CLEC16A: variants seen among roughly 807,000 people sequenced by gnomAD.
The protein encoded by CLEC16A is C-type lectin domain containing 16A.
CLEC16A carries 51 observed loss-of-function variants against 109.5 expected under a neutral mutation model. That is an observed-to-expected ratio of 0.47 (90% CI 0.37 to 0.59). The LOEUF is 0.59. CLEC16A is among the 20% of genes least tolerant of loss of function. The pLI, the probability that CLEC16A is intolerant of heterozygous loss-of-function variation, is 0.00. For synonymous variants in CLEC16A, 673 were observed against 564.2 expected (o/e 1.19, Z -2.73); for missense variants, 1,339 against 1,394.0 (o/e 0.96, Z 0.63).
At chr16:11,038,953 G>T (rs1484180370) in intron 13 of CLEC16A, among the ~76,000 whole-genome samples, 1 of 152,092 alleles carries the variant, frequency 6.6e-6, no homozygotes, top group East Asian at 1.9e-4. Context: ...GTTGAGGGTG[G>T]GGCTCAGCTT....
chr16:11,039,081 G>A (rs1239220901), intron 13 of CLEC16A, among the ~76,000 whole-genome samples: 1 of 152,074 alleles, frequency 6.6e-6, no homozygotes, highest in Non-Finnish European at 1.5e-5. Flanking sequence ...TGCGTAATAC[G>A]GGAGTGGCCT....
Position 11,060,825 on chromosome 16 carries a change from C to T in CLEC16A, c.1996-77C>T, listed in dbSNP as rs528992531. 23 of 1,380,110 alleles carry T rather than the reference C, an allele frequency of 1.7e-5. No individual in the cohort carries two copies. In the East Asian group the frequency reaches 5.9e-4, roughly 35 times the overall value. The allele number at this position is 1,380,110 out of a possible 1,614,324, so 85.5% of individuals were successfully genotyped here. A position where few individuals can be genotyped will look rare whatever the true frequency, so the allele number is the denominator to read the frequency against. On this transcript the variant is annotated intron_variant, in intron 18 of 23. Coordinates refer to ENST00000409790, the MANE Select transcript of CLEC16A (RefSeq NM_015226.3). ...CTTTTTTAATAGAGAGTCATGGTGT[C>T]ATTTCTGGGTGTGGGGCATCTCACT...
At chr16:11,127,812 G>A (rs1365084145) in intron 22 of CLEC16A, among the ~76,000 whole-genome samples, 1 of 152,210 alleles carries the variant, frequency 6.6e-6, no homozygotes, top group Non-Finnish European at 1.5e-5. Context: ...TGACGCTGCA[G>A]TGAGCTATGA....
chr16:11,028,057 G>A (rs1397215190), intron 13 of CLEC16A, among the ~76,000 whole-genome samples: 3 of 152,280 alleles, frequency 2.0e-5, no homozygotes, highest in African/African-American at 7.2e-5. Flanking sequence ...AAAATTAGCC[G>A]GGCATGGTGG....
chr16:11,150,752 T>C (rs2054261990), intron 22 of CLEC16A, among the ~76,000 whole-genome samples: 2 of 152,180 alleles, frequency 1.3e-5, no homozygotes, highest in Non-Finnish European at 2.9e-5. Flanking sequence ...CTCACAGGTC[T>C]GGAGGGTAGA....
rs1434213380 is a variant in CLEC16A, at chr16:11,036,567, G to A, written c.1538-3187G>A. Among the ~76,000 whole-genome samples the A allele has an allele frequency of 1.1e-4, 6 of 56,600 alleles. No homozygotes were observed. The South Asian group carries it at 3.3e-3, about 31-fold the overall frequency. The allele number at this position is 56,600 out of a possible 152,430, so 37.1% of individuals were successfully genotyped here. ...TCCTTTTTTTTTTTTTTTTTTTTTT[G>A]AGACAAGAGTCTCGCTCTGTCACCC... is the stretch of plus-strand genomic sequence containing the variant. On this transcript the variant is annotated intron_variant, in intron 13 of 23. Transcript: ENST00000409790.
At chr16:11,029,504 A>T (rs771840478) in intron 13 of CLEC16A, among the ~76,000 whole-genome samples, 1 of 146,796 alleles carries the variant, frequency 6.8e-6, no homozygotes, top group Non-Finnish European at 1.6e-5. Context: ...TGGGTTTTCT[A>T]TCCCTTTGCT....
chr16:11,150,835 C>T (rs544401812), intron 22 of CLEC16A, among the ~76,000 whole-genome samples: 1 of 152,164 alleles, frequency 6.6e-6, no homozygotes, highest in African/African-American at 2.4e-5. Context: ...CCAGGCCTCC[C>T]TCCTTGGCTT....
At chr16:11,007,085 C>G (rs1469643815) in intron 11 of CLEC16A, among the ~76,000 whole-genome samples, 2 of 152,134 alleles carry the variant, frequency 1.3e-5, no homozygotes, top group Non-Finnish European at 2.9e-5. Flanking sequence ...AGAGCAGTAA[C>G]TTAATAAGCA....
intron 19 of CLEC16A, among the ~76,000 whole-genome samples, chr16:11,094,632 T>C (rs2050500073): frequency 6.6e-6 from 1 of 152,274 alleles, no homozygotes; most frequent in Admixed American, 6.5e-5. Flanking sequence ...ATCTGAGTTC[T>C]TTAGAAAAAT....
rs1051175206 is a variant in CLEC16A at position 11,061,104 on chromosome 16, G to A, written c.2116+82G>A. ...CCACTCTGCTGATTCACACGCCACT[G>A]GGAGGGTCAGTGTGCAACCTACATT... is the stretch of plus-strand genomic sequence containing the variant. On this transcript the variant is annotated intron_variant, in intron 19 of 23. Coordinates refer to ENST00000409790, the MANE Select transcript of CLEC16A (RefSeq NM_015226.3). 3.5e-6 allele frequency: 5 copies of A among 1,428,602 alleles called. 1 individual carries two copies. The highest frequency in any genetic ancestry group is 1.9e-6 in the Non-Finnish European group (2 of 1,077,872). 88.5% of individuals were successfully genotyped at this position (1,428,602 alleles called of 1,614,324 possible).
intron 14 of CLEC16A, chr16:11,040,123 A>C: frequency 8.8e-6 from 4 of 455,224 alleles, no homozygotes; most frequent in South Asian, 4.3e-5. Context: ...TTCTTCTTCC[A>C]CACCCCGCCC....
intron 22 of CLEC16A, among the ~76,000 whole-genome samples, chr16:11,139,829 C>T (rs1266279971): frequency 6.6e-6 from 1 of 152,226 alleles, no homozygotes; most frequent in South Asian, 2.1e-4. Context: ...ATGTGGTCTA[C>T]TTCTAGCCTT....
In CLEC16A at chr16:11,024,884, C is replaced by A; in HGVS notation, c.1500C>A (p.Phe500Leu). The A allele has an allele frequency of 6.2e-7, 1 of 1,609,826 alleles. No homozygotes were observed. Among genetic ancestry groups the A allele is most frequent in the South Asian group, 1.1e-5 (1 of 89,830 alleles). Residue 500 changes from phenylalanine to leucine, a missense_variant, in exon 13 of 24, where the codon TTC becomes TTA. This residue lies in a region of CLEC16A where 1,061 missense variants were observed against 1,006.8 expected (regional missense o/e 1.05). Coordinates refer to ENST00000409790, the MANE Select transcript of CLEC16A (RefSeq NM_015226.3). ...DSPDDDYHAL[F>L]VLCLLYAMSH... ...CGGATGATGATTACCATGCCCTGTT[C>A]GTGCTCTGCCTCCTCTATGCCATGT...
chr16:11,099,955 T>G (rs77316098), intron 19 of CLEC16A, among the ~76,000 whole-genome samples: 1,558 of 152,168 alleles, frequency 0.01, 16 homozygotes, highest in Non-Finnish European at 0.014. Context: ...CTTACCTATC[T>G]AGCCAGAGTT....
chr16:11,028,905 G>C (rs1471334032), intron 13 of CLEC16A, among the ~76,000 whole-genome samples: 1 of 152,160 alleles, frequency 6.6e-6, no homozygotes, highest in Non-Finnish European at 1.5e-5. Context: ...ATTTTACACA[G>C]TTTCCCTTTT....
rs138986271 is a variant in CLEC16A, at chr16:11,033,017, C to T, written c.1538-6737C>T. ...GGGGATGAGTTGCAGGAGGGAACAC[C>T]GAGAGACTTGCTAAGAAGCTGTTGC... On this transcript the variant is annotated intron_variant, in intron 13 of 23. Coordinates refer to ENST00000409790, the MANE Select transcript of CLEC16A (RefSeq NM_015226.3). Among the ~76,000 whole-genome samples the T allele has an allele frequency of 4.6e-5, 7 of 152,032 alleles. No homozygotes were observed. The East Asian group carries it at 7.7e-4, about 17-fold the overall frequency.
At chr16:10,973,490 G>A (rs1368425233) in intron 7 of CLEC16A, among the ~76,000 whole-genome samples, 1 of 152,198 alleles carries the variant, frequency 6.6e-6, no homozygotes, top group Non-Finnish European at 1.5e-5. Context: ...TGAATCTATA[G>A]GGGCAGAAAG....
intron 11 of CLEC16A, among the ~76,000 whole-genome samples, chr16:11,010,755 T>A (rs567021910): frequency 1.8e-4 from 28 of 152,318 alleles, no homozygotes; most frequent in African/African-American, 6.5e-4. Flanking sequence ...CAAGGTCCAA[T>A]CCAGAGGCGG....
Sources: gnomAD v4.1 joint callset for allele counts (sites outside exome capture counted in the v4.1 genomes callset) on GRCh38, gnomAD v4.1.1 for gene constraint, gnomAD v4.1.1 regional missense constraint, MANE v1.5 for transcripts, NCBI Gene and HGNC (gene_info 2026-07-23, HGNC 2026-07-21) for gene names.